Variants in TRABD2B observed in about 807,000 individuals in gnomAD.
The protein encoded by TRABD2B is metalloprotease TIKI2.
TRABD2B carries 14 observed loss-of-function variants against 40.1 expected under a neutral mutation model. The observed-to-expected ratio is 0.35, with a 90% CI of 0.23 to 0.55. TRABD2B has a LOEUF of 0.55. TRABD2B is among the 20% of genes least tolerant of loss of function. The pLI is 0.90. For missense variants in TRABD2B, 541 were observed against 648.6 expected (o/e 0.83, Z 1.80); for synonymous variants, 263 against 277.0 (o/e 0.95, Z 0.50).
chr1:47,950,673 A>G (rs975096027), intron 2 of TRABD2B, among the ~76,000 whole-genome samples: 11 of 152,134 alleles, frequency 7.2e-5, no homozygotes, highest in African/African-American at 2.7e-4. Context: ...GCAAACAAGG[A>G]ATGCTGAGCT....
intron 4 of TRABD2B, among the ~76,000 whole-genome samples, chr1:47,785,254 A>G (rs1644580108): frequency 6.6e-6 from 1 of 152,138 alleles, no homozygotes; most frequent in Non-Finnish European, 1.5e-5. Flanking sequence ...CTGGGACCAA[A>G]AAACACTCTC....
intron 2 of TRABD2B, among the ~76,000 whole-genome samples, chr1:47,872,450 C>T (rs1480623482): frequency 6.6e-6 from 1 of 152,136 alleles, no homozygotes; most frequent in Non-Finnish European, 1.5e-5. Context: ...AAATGCCAGG[C>T]CCCACAAGGA....
intron 2 of TRABD2B, among the ~76,000 whole-genome samples, chr1:47,988,350 T>C (rs749960279): frequency 5.3e-5 from 8 of 152,022 alleles, no homozygotes; most frequent in Non-Finnish European, 1.0e-4. Flanking sequence ...ATAAAAGCAA[T>C]GGGGTGCACA....
At chr1:47,963,424 T>A (rs774390809) in intron 2 of TRABD2B, among the ~76,000 whole-genome samples, 2 of 152,192 alleles carry the variant, frequency 1.3e-5, no homozygotes, top group Non-Finnish European at 2.9e-5. Flanking sequence ...TGCCAGGAGC[T>A]GCCTCTTAGG....
Position 47,765,609 on chromosome 1 carries a change from G to C in TRABD2B, c.*293C>G. 1 of 458,022 alleles carries C rather than the reference G, an allele frequency of 2.2e-6. No homozygotes were observed. Among genetic ancestry groups the C allele is most frequent in the South Asian group, 2.1e-5 (1 of 46,916 alleles). 28.4% of individuals were successfully genotyped at this position (458,022 alleles called of 1,614,324 possible). A position where few individuals can be genotyped will look rare whatever the true frequency, so the allele number is the denominator to read the frequency against. On this transcript the variant is annotated 3_prime_UTR_variant, in exon 7 of 7. Transcript: ENST00000606738. The stretch of plus-strand genomic sequence containing the variant: ...CCCGGGCCAGCACTAGGGCTAGGGG[G>C]TTATAACACAGGCCACATAAGAATA...
At chr1:47,906,675 C>T (rs1023507641) in intron 2 of TRABD2B, among the ~76,000 whole-genome samples, 1 of 152,240 alleles carries the variant, frequency 6.6e-6, no homozygotes, top group Non-Finnish European at 1.5e-5. Flanking sequence ...GGCTGTCAAC[C>T]ACACCACAGG....
intron 3 of TRABD2B, among the ~76,000 whole-genome samples, chr1:47,798,995 G>A (rs372993246): frequency 2.0e-5 from 3 of 152,172 alleles, no homozygotes; most frequent in South Asian, 4.1e-4. Flanking sequence ...GTTGCTCTTC[G>A]AATCCAGGTG....
chr1:47,974,275 C>T (rs938720449), intron 2 of TRABD2B, among the ~76,000 whole-genome samples: 6 of 152,124 alleles, frequency 3.9e-5, no homozygotes, highest in Non-Finnish European at 5.9e-5. Flanking sequence ...ATGCATGGCT[C>T]CAGTTACATC....
At chr1:47,841,451 A>G (rs1012686055) in intron 2 of TRABD2B, among the ~76,000 whole-genome samples, 3 of 152,178 alleles carry the variant, frequency 2.0e-5, no homozygotes, top group Admixed American at 6.5e-5. Flanking sequence ...ACTGTCACAC[A>G]ACCCACCCCT....
At chr1:47,881,356 T>C in intron 2 of TRABD2B, among the ~76,000 whole-genome samples, 1 of 152,224 alleles carries the variant, frequency 6.6e-6, no homozygotes, top group South Asian at 2.1e-4. Flanking sequence ...CCCATGTTTA[T>C]GTGTAAGCCC....
intron 2 of TRABD2B, among the ~76,000 whole-genome samples, chr1:47,963,796 G>A (rs905814952): frequency 2.1e-4 from 32 of 152,284 alleles, no homozygotes; most frequent in Admixed American, 4.6e-4. Context: ...ACATGTTTGC[G>A]TCCCAATAAC....
At chr1:47,873,055 C>T (rs58961951) in intron 2 of TRABD2B, among the ~76,000 whole-genome samples, 44,054 of 152,050 alleles carry the variant, frequency 0.29, 6,594 homozygotes, top group East Asian at 0.46. Context: ...CTTGCCATGT[C>T]CTCACTGGTG....
At chr1:47,770,649 T>A (rs1644365920) in intron 6 of TRABD2B, among the ~76,000 whole-genome samples, 1 of 152,240 alleles carries the variant, frequency 6.6e-6, no homozygotes, top group Admixed American at 6.5e-5. Flanking sequence ...GGCTCTTCAG[T>A]GGCACCACAC....
rs1380917922 is a variant in TRABD2B, at chr1:47,763,686, C to A, written c.*2216G>T. ...TGGACTGTTTACCCAAATGCTTCAT[C>A]TTTAATTAACCTCAAGCTCCATCTC... On this transcript the variant is annotated 3_prime_UTR_variant, in exon 7 of 7. Transcript: ENST00000606738. 6.6e-6 allele frequency: 1 copy of A among 152,252 alleles called. No individual in the cohort carries two copies. The highest frequency in any genetic ancestry group is 1.5e-5 in the Non-Finnish European group (1 of 68,052). The allele number at this position is 152,252 out of a possible 1,614,324, so 9.4% of individuals were successfully genotyped here. A position where few individuals can be genotyped will look rare whatever the true frequency, so the allele number is the denominator to read the frequency against.
intron 2 of TRABD2B, among the ~76,000 whole-genome samples, chr1:47,929,832 C>T (rs1645016377): frequency 6.6e-6 from 1 of 152,212 alleles, no homozygotes; most frequent in South Asian, 2.1e-4. Context: ...CACCTCCAGG[C>T]TTTCCCTGCC....
intron 2 of TRABD2B, chr1:47,818,806 G>C (rs1645069723): frequency 6.6e-6 from 1 of 152,236 alleles, no homozygotes; most frequent in Non-Finnish European, 1.5e-5. Flanking sequence ...CTGGTAGGCA[G>C]ACAGTTTGGT....
At chr1:47,780,449 A>G (rs921147909) in intron 4 of TRABD2B, among the ~76,000 whole-genome samples, 27 of 152,134 alleles carry the variant, frequency 1.8e-4, no homozygotes, top group Admixed American at 4.6e-4. Context: ...GCCTAGGTGC[A>G]TATCTTGTGC....
intron 2 of TRABD2B, among the ~76,000 whole-genome samples, chr1:47,915,887 A>G (rs1004697376): frequency 6.6e-6 from 1 of 152,122 alleles, no homozygotes; most frequent in African/African-American, 2.4e-5. Flanking sequence ...GGTGACCCCA[A>G]GCTGCTGCGT....
chr1:47,774,270 TCTAAGG>T (rs893686906), intron 6 of TRABD2B, among the ~76,000 whole-genome samples: 1 of 151,450 alleles, frequency 6.6e-6, no homozygotes, highest in Non-Finnish European at 1.5e-5. Context: ...AGATGGAGAG[TCTAAGG>T]CTCCCCCTGA....
Sources: gnomAD v4.1 joint callset for allele counts (sites outside exome capture counted in the v4.1 genomes callset) on GRCh38, gnomAD v4.1.1 for gene constraint, MANE v1.5 for transcripts, NCBI Gene and HGNC (gene_info 2026-07-23, HGNC 2026-07-21) for gene names.